TMPRSS5: variants seen among roughly 807,000 people sequenced by gnomAD.
TMPRSS5 encodes transmembrane serine protease 5.
TMPRSS5 carries 45 observed loss-of-function variants against 59.7 expected under a neutral mutation model. That is an observed-to-expected ratio of 0.75 (90% CI 0.59 to 0.97). The LOEUF (loss-of-function observed/expected upper bound fraction) is 0.97. TMPRSS5 is among the 50% of genes least tolerant of loss of function. The probability of loss-of-function intolerance (pLI) is 0.00; values close to 1 mark genes in which losing one functional copy is unlikely to be tolerated. For missense variants in TMPRSS5, 585 were observed against 596.7 expected (o/e 0.98, Z 0.20); for synonymous variants, 225 against 232.0 (o/e 0.97, Z 0.27).
intron 9 of TMPRSS5, 22 bp downstream of exon 9, chr11:113,693,049 C>T (rs1227548105): frequency 4.5e-6 from 7 of 1,552,394 alleles, no homozygotes; most frequent in South Asian, 1.2e-5. Flanking sequence ...CCAGCCTGCC[C>T]ACCCTCAAGC....
chr11:113,693,377 C>A, intron 8 of TMPRSS5, 128 bp from the exon 9 acceptor site: 1 of 1,002,056 alleles, frequency 1.0e-6, no homozygotes, highest in Non-Finnish European at 1.4e-6. Context: ...CGGTGAGCTC[C>A]CAGGCCCCAC....
At chr11:113,693,501 C>A (rs1952843848) in intron 8 of TMPRSS5, 2 of 355,010 alleles carry the variant, frequency 5.6e-6, no homozygotes, top group Non-Finnish European at 1.0e-5. Flanking sequence ...CATCTGCAAC[C>A]ACCACTCCCT....
chr11:113,693,354 G>C (rs1050159539), intron 8 of TMPRSS5, 105 bp from the exon 9 acceptor site: 1 of 1,307,312 alleles, frequency 7.6e-7, no homozygotes, highest in Non-Finnish European at 1.0e-6. Flanking sequence ...TTGGTGGGGG[G>C]GCCGTCAGCA....
At position 113,690,283 on chromosome 11, in the gene TMPRSS5, G is replaced by A. The variant is rs1457525904; in HGVS notation, c.1154C>T (p.Thr385Ile). The A allele has an allele frequency of 1.9e-6, 3 of 1,573,884 alleles. No homozygotes were observed. Among genetic ancestry groups the A allele is most frequent in the Non-Finnish European group, 2.6e-6 (3 of 1,160,808 alleles). The change falls in exon 11 of 13, where the codon ACC becomes ATC. Residue 385 changes from threonine (T) to isoleucine (I), a missense_variant. Transcript: ENST00000299882. ...GTAGCCAGCGCAAAGCATGCGGGGG[G>A]TGAGGGCTCCGCTGTACACGCAAGA... Reference protein sequence around the residue: ...NSSCVYSGALTPRMLCAGYLD... With the variant: ...NSSCVYSGALIPRMLCAGYLD...
At position 113,699,652 on chromosome 11, in the gene TMPRSS5, C is replaced by A; in HGVS notation, c.148G>T (p.Ala50Ser). The A allele has an allele frequency of 6.3e-7, 1 of 1,586,256 alleles. No homozygotes were observed. Among genetic ancestry groups the A allele is most frequent in the Non-Finnish European group, 8.6e-7 (1 of 1,166,752 alleles). ...AGCAGCCCCAGGGCTCCCAGCACTG[C>A]ACAGCCACGTCGCATGGAACGCCAG... ...VCWRSMRRGCAVLGALGLLAG... is the reference protein window; with the variant it reads ...VCWRSMRRGCSVLGALGLLAG... The change falls in exon 3 of 13, where the codon GCA becomes TCA. Residue 50 changes from alanine to serine, a missense_variant. Coordinates refer to ENST00000299882, the MANE Select transcript of TMPRSS5 (RefSeq NM_030770.4).
Position 113,697,697 on chromosome 11 carries a change from C to T in TMPRSS5, c.329-279G>A, listed in dbSNP as rs191621437. Among the ~76,000 whole-genome samples the T allele has an allele frequency of 1.2e-4, 19 of 152,298 alleles. No individual in the cohort carries two copies. In the East Asian group the frequency reaches 2.1e-3, roughly 17 times the overall value. On this transcript the variant is annotated intron_variant, in intron 4 of 12. Transcript: ENST00000299882. ...GCCCTGTGCAATGAGTACTGCCATC[C>T]TCTCCATTCTGCAGAAGGAGAACTA...
At chr11:113,693,475 A>G in intron 8 of TMPRSS5, 1 of 435,134 alleles carries the variant, frequency 2.3e-6, no homozygotes, top group Non-Finnish European at 4.0e-6. Context: ...ACTGATGGAT[A>G]GAGAAGACTA....
Position 113,690,373 on chromosome 11 carries a change from G to A in TMPRSS5, c.1064C>T (p.Thr355Ile), listed in dbSNP as rs776561223. The A allele has an allele frequency of 1.9e-6, 3 of 1,602,112 alleles. No individual in the cohort carries two copies. Among genetic ancestry groups the A allele is most frequent in the Non-Finnish European group, 8.5e-7 (1 of 1,176,246 alleles). Residue 355 changes from threonine (T) to isoleucine (I), a missense_variant and splice_region_variant, in exon 11 of 13, where the codon ACT becomes ATT. Physicochemically the swap from Thr to Ile is moderately conservative, Grantham distance 89. Transcript: ENST00000299882. The part of the protein sequence containing the change: ...SGWGHTHPSH[T>I]YSSDMLQDTV... ...GTCCTGGAGCATATCCGAGCTGTAA[G>A]CTATGAGAGACACCGAGAAAAACTG...
intron 3 of TMPRSS5, among the ~76,000 whole-genome samples, 176 bp from the exon 4 acceptor site, chr11:113,699,203 GTCTGTCTGTCTCTCTCTCTCTCTC>G (rs1953021024): frequency 1.9e-4 from 7 of 36,420 alleles, no homozygotes; most frequent in African/African-American, 6.4e-4. Flanking sequence ...ACTCTCCTTT[GTCTGTCTGTCTCTCTCTCTCTCTC>G]TCTCTCTCTC....
chr11:113,695,312 G>A lies in TMPRSS5; in HGVS notation c.622+88C>T, dbSNP rs911340991. Reference sequence around the variant, plus strand: ...AGACCCCTACCCCAGGCCCAGCAGAGTCTCACCATAGGGCTCTTCCACACT... The same window carrying A: ...AGACCCCTACCCCAGGCCCAGCAGAATCTCACCATAGGGCTCTTCCACACT... On this transcript the variant is annotated intron_variant, in intron 7 of 12. Transcript: ENST00000299882. 5.2e-5 allele frequency: 76 copies of A among 1,453,148 alleles called. No homozygotes were observed. The African/African-American group carries it at 8.6e-4, about 17-fold the overall frequency. The allele number at this position is 1,453,148 out of a possible 1,614,324, so 90.0% of individuals were successfully genotyped here.
At position 113,688,168 on chromosome 11, in the gene TMPRSS5, G is replaced by A. The variant is rs116205432; in HGVS notation, c.*92C>T. 2,701 of 1,509,722 alleles carry A rather than the reference G, an allele frequency of 1.8e-3. 39 individuals are homozygous for A. In the African/African-American group the frequency reaches 0.033, roughly 19 times the overall value. The allele number at this position is 1,509,722 out of a possible 1,614,324, so 93.5% of individuals were successfully genotyped here. On this transcript the variant is annotated 3_prime_UTR_variant, in exon 13 of 13. Coordinates refer to ENST00000299882, the MANE Select transcript of TMPRSS5 (RefSeq NM_030770.4). The stretch of plus-strand genomic sequence containing the variant: ...GGAGGTCCATGCGTTCTGTGTCGGA[G>A]GCTACTGCCTCTCCTCCATTAGTGG...
intron 3 of TMPRSS5, among the ~76,000 whole-genome samples, chr11:113,699,348 TTCTC>T (rs1953053775): frequency 6.6e-6 from 1 of 151,330 alleles, no homozygotes; most frequent in South Asian, 2.1e-4. Context: ...TCTGTGTGTG[TTCTC>T]TCTGTGTCTC....
chr11:113,694,976 C>A (rs1007052818), intron 7 of TMPRSS5, among the ~76,000 whole-genome samples: 1 of 152,124 alleles, frequency 6.6e-6, no homozygotes, highest in Non-Finnish European at 1.5e-5. Context: ...GGTAGATGAA[C>A]GGGAAGACCA....
chr11:113,700,285 A>G (rs1387879261), intron 1 of TMPRSS5, 117 bp from the exon 2 acceptor site: 4 of 928,206 alleles, frequency 4.3e-6, no homozygotes, highest in Non-Finnish European at 6.3e-6. Context: ...TGCCACTTGT[A>G]AACCTCTACT....
At position 113,698,979 on chromosome 11, in the gene TMPRSS5, T is replaced by G; in HGVS notation, c.254A>C (p.Gln85Pro). ...AASQPISGTL[Q>P]DEEITLSCSE... The stretch of plus-strand genomic sequence containing the variant: ...GCAGCTCAAAGTTATCTCCTCATCC[T>G]GCAAGGTCCCGGAAATGGGCTGAGA... Residue 85 changes from glutamine to proline, a missense_variant, in exon 4 of 13, where the codon CAG (glutamine) becomes CCG (proline). Gln to Pro is a moderately conservative substitution (Grantham distance 76). Transcript: ENST00000299882. 5 of 1,608,668 alleles carry G rather than the reference T, an allele frequency of 3.1e-6. No individual in the cohort carries two copies. The highest frequency in any genetic ancestry group is 4.2e-6 in the Non-Finnish European group (5 of 1,177,696).
Position 113,689,804 on chromosome 11 carries a change from C to A in TMPRSS5, c.1320G>T (p.Lys440Asn). ...AEPNHPGVYA[K>N]VAEFLDWIHD... is the part of the protein sequence containing the mutation. ...GGATCCAGTCCAGAAACTCAGCTAC[C>A]TTGGCGTAGACACCTGGGTGATTGG... The change falls in exon 12 of 13, where the codon AAG (lysine) becomes AAT (asparagine). Residue 440 changes from lysine to asparagine, a missense_variant. By Grantham distance (94) the Lys-to-Asn change is moderately conservative (BLOSUM62 0). Transcript: ENST00000299882. The A allele has an allele frequency of 6.2e-7, 1 of 1,608,690 alleles. No individual in the cohort carries two copies. Among genetic ancestry groups the A allele is most frequent in the Admixed American group, 1.7e-5 (1 of 59,464 alleles).
chr11:113,700,934 C>T (rs1953113819), intron 1 of TMPRSS5, among the ~76,000 whole-genome samples: 1 of 152,158 alleles, frequency 6.6e-6, no homozygotes, highest in South Asian at 2.1e-4. Context: ...TGAGTGAGTT[C>T]TCACAAGATC....
At chr11:113,690,180 T>TCCCCCCCCCCCCCCCCCCCCCCCCCC in intron 11 of TMPRSS5, 51 bp downstream of exon 11, 1 of 187,990 alleles carries the variant, frequency 5.3e-6, no homozygotes, top group Non-Finnish European at 8.9e-6. Flanking sequence ...CCCCCTGCCC[T>TCCCCCCCCCCCCCCCCCCCCCCCCCC]CCCACCCCCA....
At chr11:113,702,495 G>T (rs1203313479) in intron 1 of TMPRSS5, among the ~76,000 whole-genome samples, 1 of 152,188 alleles carries the variant, frequency 6.6e-6, no homozygotes, top group Non-Finnish European at 1.5e-5. Context: ...TGATAGAAAA[G>T]AAAACCCATT....
Sources: gnomAD v4.1 joint callset for allele counts (sites outside exome capture counted in the v4.1 genomes callset) on GRCh38, gnomAD v4.1.1 for gene constraint, MANE v1.5 for transcripts, NCBI Gene and HGNC (gene_info 2026-07-23, HGNC 2026-07-21) for gene names.